Variants in ECHDC1 observed in about 807,000 individuals in gnomAD.
ECHDC1 encodes ethylmalonyl-CoA decarboxylase 1, also known as ethylmalonyl-CoA decarboxylase.
Under a neutral mutation model 29.7 loss-of-function variants are expected in ECHDC1, and 29 were observed. That is an observed-to-expected ratio of 0.98 (90% CI 0.73 to 1.33). The LOEUF (loss-of-function observed/expected upper bound fraction) is 1.33, where lower values mean the gene tolerates loss of function less well. Ranked by LOEUF, ECHDC1 falls within the 40% of genes most tolerant of loss-of-function variation. The pLI is 0.00. For missense variants in ECHDC1, 328 were observed against 350.0 expected, an observed-to-expected ratio of 0.94 and a Z score of 0.50; for synonymous variants, 126 against 123.1, an observed-to-expected ratio of 1.02 and a Z score of -0.15.
Position 127,298,771 on chromosome 6 carries a change from A to G in ECHDC1, c.498-8494T>C, listed in dbSNP as rs181026917. 1.3e-3 allele frequency among the ~76,000 whole-genome samples: 199 copies of G among 152,218 alleles called. 1 individual carries two copies. The highest frequency in any genetic ancestry group is 4.4e-3 in the African/African-American group (184 of 41,532). ...TGGTGATGCTGTTAAAAACAAACTTACTGCACTGCTACCTGTACAGAAGTA... is the reference window on the plus strand; with the variant it reads ...TGGTGATGCTGTTAAAAACAAACTTGCTGCACTGCTACCTGTACAGAAGTA... On this transcript the variant is annotated intron_variant, in intron 5 of 5. Coordinates refer to ENST00000454859, the MANE Select transcript of ECHDC1 (RefSeq NM_001002030.2).
At position 127,316,445 on chromosome 6, in the gene ECHDC1, A is replaced by G. The variant is rs748703394; in HGVS notation, c.416+5T>C. The stretch of plus-strand genomic sequence containing the variant: ...AATCATATTTTAAAAAGAAGGCTGC[A>G]TTACCTCATAAATCTTGTTAAGGTG... On this transcript the variant is annotated splice_donor_5th_base_variant and intron_variant, in intron 4 of 5. Coordinates refer to ENST00000454859, the MANE Select transcript of ECHDC1 (RefSeq NM_001002030.2). The G allele has an allele frequency of 1.2e-6, 2 of 1,601,776 alleles. No individual in the cohort carries two copies. Among genetic ancestry groups the G allele is most frequent in the Non-Finnish European group, 1.7e-6 (2 of 1,174,938 alleles).
At chr6:127,329,172 A>G (rs4897211) in intron 2 of ECHDC1, among the ~76,000 whole-genome samples, 1 of 152,162 alleles carries the variant, frequency 6.6e-6, no homozygotes, top group Admixed American at 6.5e-5. Context: ...AGAAAAATCC[A>G]TACCAGTAGT....
intron 3 of ECHDC1, among the ~76,000 whole-genome samples, chr6:127,324,238 C>A (rs1783099654): frequency 6.6e-6 from 1 of 152,144 alleles, no homozygotes. Context: ...TTTGATCTAT[C>A]ATCTTAATAT....
intron 3 of ECHDC1, among the ~76,000 whole-genome samples, chr6:127,324,029 A>C (rs1783077403): frequency 6.6e-6 from 1 of 152,186 alleles, no homozygotes; most frequent in South Asian, 2.1e-4. Context: ...ATGAGATGCT[A>C]AAGAGCTTCC....
At chr6:127,296,634 A>C (rs940940844) in intron 5 of ECHDC1, among the ~76,000 whole-genome samples, 4 of 152,226 alleles carry the variant, frequency 2.6e-5, no homozygotes, top group African/African-American at 9.6e-5. Flanking sequence ...CCTGTTGAGA[A>C]ATAAGCAAAA....
intron 1 of ECHDC1, among the ~76,000 whole-genome samples, chr6:127,335,091 A>G (rs1262982398): frequency 6.6e-6 from 1 of 152,104 alleles, no homozygotes; most frequent in Non-Finnish European, 1.5e-5. Flanking sequence ...TTAAAAATAT[A>G]TCTAATATGT....
intron 3 of ECHDC1, among the ~76,000 whole-genome samples, chr6:127,324,643 G>C (rs1298838890): frequency 2.0e-5 from 3 of 152,020 alleles, no homozygotes; most frequent in Admixed American, 2.0e-4. Context: ...ATTGGAGCAG[G>C]GAAAATACAA....
intron 1 of ECHDC1, among the ~76,000 whole-genome samples, chr6:127,331,587 ATATT>A (rs1562332451): frequency 1.3e-5 from 2 of 152,354 alleles, no homozygotes; most frequent in South Asian, 2.1e-4. Flanking sequence ...TAATTACAGT[ATATT>A]TACTGTGCTC....
chr6:127,319,588 T>C (rs1782673388), intron 3 of ECHDC1, among the ~76,000 whole-genome samples: 1 of 152,296 alleles, frequency 6.6e-6, no homozygotes. Context: ...GGTTAAATGC[T>C]CTGTCCTCTC....
intron 5 of ECHDC1, among the ~76,000 whole-genome samples, chr6:127,309,901 C>G (rs1009573735): frequency 6.6e-6 from 1 of 152,102 alleles, no homozygotes; most frequent in Non-Finnish European, 1.5e-5. Context: ...TGAGAACTTA[C>G]GCACTTATCA....
chr6:127,330,617 T>C (rs544043724), intron 2 of ECHDC1, among the ~76,000 whole-genome samples, 192 bp downstream of exon 2: 58 of 152,312 alleles, frequency 3.8e-4, no homozygotes, highest in African/African-American at 1.3e-3. Context: ...CATTCAAATA[T>C]CCATAATCAT....
At chr6:127,322,824 C>T (rs999085359) in intron 3 of ECHDC1, among the ~76,000 whole-genome samples, 2 of 151,968 alleles carry the variant, frequency 1.3e-5, no homozygotes, top group African/African-American at 4.8e-5. Flanking sequence ...TTTTCCTAAC[C>T]AGCTTATATC....
At position 127,308,135 on chromosome 6, in the gene ECHDC1, C is replaced by T. The variant is rs1461497911; in HGVS notation, c.497+6681G>A. ...TGAAAAATAGAGGAGGGGATACTTC[C>T]GAACTCATTCTGTGAGGCAAGTATT... On this transcript the variant is annotated intron_variant, in intron 5 of 5. Coordinates refer to ENST00000454859, the MANE Select transcript of ECHDC1 (RefSeq NM_001002030.2). Among the ~76,000 whole-genome samples, 7 of 152,186 alleles carry T rather than the reference C, an allele frequency of 4.6e-5. No homozygotes were observed. In the East Asian group the frequency reaches 7.7e-4, roughly 17 times the overall value.
Position 127,305,728 on chromosome 6 carries a change from T to C in ECHDC1, c.497+9088A>G, listed in dbSNP as rs865889920. Among the ~76,000 whole-genome samples, 13 of 152,298 alleles carry C rather than the reference T, an allele frequency of 8.5e-5. No homozygotes were observed. In the Middle Eastern group the frequency reaches 0.014, roughly 159 times the overall value. On this transcript the variant is annotated intron_variant, in intron 5 of 5. Transcript: ENST00000454859. The stretch of plus-strand genomic sequence containing the variant: ...TTATCCAAACAATGTTCAGTTGTTA[T>C]CAGCTTAAAATAATGGGTGATAAGA...
Position 127,310,423 on chromosome 6 carries a change from A to G in ECHDC1, c.497+4393T>C, listed in dbSNP as rs544237612. 3.3e-5 allele frequency among the ~76,000 whole-genome samples: 5 copies of G among 152,236 alleles called. No homozygotes were observed. In the East Asian group the frequency reaches 9.7e-4, roughly 29 times the overall value. On this transcript the variant is annotated intron_variant, in intron 5 of 5. Coordinates refer to ENST00000454859, the MANE Select transcript of ECHDC1 (RefSeq NM_001002030.2). ...AAAAAAAAAGTTGTTTTCAATCCTC[A>G]TGGTTGGCTTTCAACCCTCAGGAAG...
chr6:127,294,113 A>G (rs1424757584), intron 5 of ECHDC1, among the ~76,000 whole-genome samples: 1 of 152,224 alleles, frequency 6.6e-6, no homozygotes, highest in Non-Finnish European at 1.5e-5. Flanking sequence ...CAATACAAGT[A>G]ACAAGATAAA....
At chr6:127,332,319 T>C (rs1328224042) in intron 1 of ECHDC1, among the ~76,000 whole-genome samples, 1 of 152,234 alleles carries the variant, frequency 6.6e-6, no homozygotes, top group African/African-American at 2.4e-5. Context: ...ATTATTCTCA[T>C]GGCTGTATTC....
intron 3 of ECHDC1, among the ~76,000 whole-genome samples, chr6:127,317,617 A>C (rs573505699): frequency 6.6e-6 from 1 of 152,318 alleles, no homozygotes; most frequent in East Asian, 1.9e-4. Context: ...AAACTCTATA[A>C]AAGATTGCAT....
At chr6:127,293,804 G>C (rs951558358) in intron 5 of ECHDC1, among the ~76,000 whole-genome samples, 3 of 152,092 alleles carry the variant, frequency 2.0e-5, no homozygotes, top group African/African-American at 4.8e-5. Flanking sequence ...AAAAATAACA[G>C]TAGTGTTTCT....
Sources: allele counts gnomAD v4.1 joint callset (sites outside exome capture counted in the v4.1 genomes callset), GRCh38; gene constraint gnomAD v4.1.1; transcripts MANE v1.5; gene names NCBI Gene and HGNC (gene_info 2026-07-23, HGNC 2026-07-21).